CDC14A: variants seen among roughly 807,000 people sequenced by gnomAD.
CDC14A encodes the protein cell division cycle 14A, also known as dual specificity protein phosphatase CDC14A.
CDC14A carries 53 observed loss-of-function variants against 74.4 expected under a neutral mutation model. That is an observed-to-expected ratio of 0.71 (90% CI 0.57 to 0.89). The LOEUF (loss-of-function observed/expected upper bound fraction) is 0.89, where lower values mean the gene tolerates loss of function less well. Ranked by LOEUF, CDC14A falls within the 40% of genes least tolerant of loss-of-function variation. CDC14A has a pLI of 0.00. For missense variants in CDC14A, 646 were observed against 713.7 expected, an observed-to-expected ratio of 0.91 and a Z score of 1.08; for synonymous variants, 247 against 258.4, an observed-to-expected ratio of 0.96 and a Z score of 0.43.
chr1:100,420,055 C>CAT (rs1158640575), intron 4 of CDC14A, among the ~76,000 whole-genome samples: 379 of 20,944 alleles, frequency 0.018, 7 homozygotes, highest in East Asian at 0.044. Flanking sequence ...CACACACACA[C>CAT]ACACACACAT....
Position 100,424,312 on chromosome 1 carries a change from T to G in CDC14A, c.389+11T>G. 2 of 1,600,888 alleles carry G rather than the reference T, an allele frequency of 1.2e-6. No homozygotes were observed. Among genetic ancestry groups the G allele is most frequent in the South Asian group, 1.1e-5 (1 of 90,822 alleles). ...CTATCTTCCATTCAGGTATAACTCCTGGTGAGACTTGGGTTAAACTTTTGC... is the reference window on the plus strand; with the variant it reads ...CTATCTTCCATTCAGGTATAACTCCGGGTGAGACTTGGGTTAAACTTTTGC... On this transcript the variant is annotated intron_variant, in intron 5 of 15. Coordinates refer to ENST00000336454, the MANE Select transcript of CDC14A (RefSeq NM_003672.4).
intron 4 of CDC14A, among the ~76,000 whole-genome samples, chr1:100,394,657 C>T (rs1345003366): frequency 6.6e-6 from 1 of 152,214 alleles, no homozygotes; most frequent in Non-Finnish European, 1.5e-5. Context: ...GCTTGTCTTA[C>T]ACACTAGTTA....
intron 4 of CDC14A, among the ~76,000 whole-genome samples, chr1:100,407,190 T>C (rs892183012): frequency 6.6e-6 from 1 of 151,902 alleles, no homozygotes; most frequent in African/African-American, 2.4e-5. Flanking sequence ...GGCTCTTTTT[T>C]GATTCCATAT....
intron 2 of CDC14A, among the ~76,000 whole-genome samples, chr1:100,374,387 T>A (rs1421971596): frequency 6.6e-6 from 1 of 152,228 alleles, no homozygotes; most frequent in African/African-American, 2.4e-5. Flanking sequence ...CCACACTGAC[T>A]TCCACAATGG....
intron 4 of CDC14A, among the ~76,000 whole-genome samples, chr1:100,416,943 A>G (rs1186010451): frequency 6.6e-6 from 1 of 151,604 alleles, no homozygotes; most frequent in Non-Finnish European, 1.5e-5. Context: ...AACGCCCACT[A>G]TTTGTGCAAT....
chr1:100,488,275 C>CA (rs1248298285), intron 11 of CDC14A, among the ~76,000 whole-genome samples: 2 of 152,182 alleles, frequency 1.3e-5, no homozygotes. Flanking sequence ...TTAATCCTTA[C>CA]AGTAGCCATA....
At chr1:100,458,864 C>T (rs1208533514) in intron 8 of CDC14A, among the ~76,000 whole-genome samples, 2 of 151,898 alleles carry the variant, frequency 1.3e-5, no homozygotes, top group East Asian at 3.9e-4. Flanking sequence ...TTATAAGAGC[C>T]TTAAGTGTGT....
chr1:100,413,372 T>C (rs571535275), intron 4 of CDC14A, among the ~76,000 whole-genome samples: 1 of 152,354 alleles, frequency 6.6e-6, no homozygotes, highest in South Asian at 2.1e-4. Context: ...GTTCACATGC[T>C]TTGTGGCTTT....
chr1:100,455,553 T>C, intron 8 of CDC14A, 61 bp downstream of exon 8: 1 of 929,608 alleles, frequency 1.1e-6, no homozygotes, highest in Non-Finnish European at 1.7e-6. Flanking sequence ...CTAAGTTTCT[T>C]AACTTCCTCA....
At chr1:100,433,477 G>A (rs1294251175) in intron 5 of CDC14A, among the ~76,000 whole-genome samples, 1 of 152,036 alleles carries the variant, frequency 6.6e-6, no homozygotes, top group East Asian at 1.9e-4. Flanking sequence ...TGCAATTTTT[G>A]CATACCTCCT....
chr1:100,434,199 G>A (rs1265861274), intron 5 of CDC14A, among the ~76,000 whole-genome samples: 1 of 152,144 alleles, frequency 6.6e-6, no homozygotes, highest in Non-Finnish European at 1.5e-5. Flanking sequence ...TAGTTCAGTT[G>A]ACTAGTATGC....
rs28364914 is a variant in CDC14A at position 100,516,093 on chromosome 1, A to G, written c.1756-2158A>G. On this transcript the variant is annotated intron_variant, in intron 15 of 15. Transcript: ENST00000336454. ...TCTGAGCCTAGATTAAACACCAGCC[A>G]GAGTTTTTGAGCTCTGTGGAAGTAA... is the stretch of plus-strand genomic sequence containing the variant. 1.7e-3 allele frequency among the ~76,000 whole-genome samples: 259 copies of G among 152,352 alleles called. 1 individual carries two copies. The highest frequency in any genetic ancestry group is 6.1e-3 in the African/African-American group (253 of 41,598).
intron 2 of CDC14A, among the ~76,000 whole-genome samples, chr1:100,371,768 G>A (rs553036994): frequency 6.6e-6 from 1 of 152,204 alleles, no homozygotes; most frequent in South Asian, 2.1e-4. Context: ...AGTTTAAAAA[G>A]CTGAAATAAC....
At chr1:100,383,310 C>A (rs1350808072) in intron 3 of CDC14A, among the ~76,000 whole-genome samples, 1 of 152,134 alleles carries the variant, frequency 6.6e-6, no homozygotes, top group Non-Finnish European at 1.5e-5. Flanking sequence ...ATTTTGACTT[C>A]TGCTTTAATC....
chr1:100,452,842 T>G (rs1666281290), intron 7 of CDC14A, among the ~76,000 whole-genome samples: 1 of 152,210 alleles, frequency 6.6e-6, no homozygotes, highest in Admixed American at 6.5e-5. Context: ...GGAAAGTACC[T>G]TAAGTTCCTG....
intron 4 of CDC14A, among the ~76,000 whole-genome samples, chr1:100,410,010 C>T (rs1299567576): frequency 1.3e-5 from 2 of 151,950 alleles, no homozygotes; most frequent in East Asian, 1.9e-4. Context: ...AGTTTTTAGC[C>T]TGGGACCTGG....
chr1:100,480,500 G>C (rs1391685949), intron 10 of CDC14A, among the ~76,000 whole-genome samples: 1 of 152,074 alleles, frequency 6.6e-6, no homozygotes, highest in Non-Finnish European at 1.5e-5. Context: ...CAATGATTTT[G>C]GGTATATACC....
chr1:100,382,211 CTTTT>C (rs557184435), intron 3 of CDC14A, among the ~76,000 whole-genome samples: 2 of 105,138 alleles, frequency 1.9e-5, no homozygotes, highest in Middle Eastern at 5.2e-3. Context: ...TTCCTCTATT[CTTTT>C]TTTTTTTTTT....
chr1:100,401,311 A>G (rs1369692374), intron 4 of CDC14A, among the ~76,000 whole-genome samples: 1 of 152,184 alleles, frequency 6.6e-6, no homozygotes, highest in East Asian at 1.9e-4. Context: ...ACACATCCTA[A>G]GCGTTCAATA....
Sources: gnomAD v4.1 joint callset for allele counts (sites outside exome capture counted in the v4.1 genomes callset) on GRCh38, gnomAD v4.1.1 for gene constraint, MANE v1.5 for transcripts, NCBI Gene and HGNC (gene_info 2026-07-23, HGNC 2026-07-21) for gene names.